The following BAZ1B variants were observed in gnomAD, a reference collection of about 807,000 sequenced individuals.
The protein encoded by BAZ1B is tyrosine-protein kinase BAZ1B.
BAZ1B carries 22 observed loss-of-function variants against 153.8 expected under a neutral mutation model. The ratio of observed to expected loss-of-function variants is 0.14; its 90% confidence interval spans 0.10 to 0.20. The LOEUF (loss-of-function observed/expected upper bound fraction) is 0.20. BAZ1B is among the 10% of genes least tolerant of loss of function. The pLI is 1.00. For missense variants in BAZ1B, 1,325 were observed against 1,799.3 expected (o/e 0.74, Z 4.77); for synonymous variants, 676 against 633.4 (o/e 1.07, Z -1.01).
At chr7:73,515,531 CTTTTTTTT>C (rs869065388) in intron 1 of BAZ1B, among the ~76,000 whole-genome samples, 5 of 111,422 alleles carry the variant, frequency 4.5e-5, no homozygotes, top group South Asian at 2.9e-4. Context: ...AGCCTTGTTC[CTTTTTTTT>C]TTTTTTTTTT....
chr7:73,496,483 G>A (rs1789900961), intron 4 of BAZ1B, among the ~76,000 whole-genome samples: 2 of 152,214 alleles, frequency 1.3e-5, no homozygotes, highest in African/African-American at 4.8e-5. Flanking sequence ...GTTTGTACCA[G>A]TTAAATAGTA....
intron 6 of BAZ1B, among the ~76,000 whole-genome samples, chr7:73,481,710 A>G (rs1554573709): frequency 6.6e-6 from 1 of 151,810 alleles, no homozygotes; most frequent in South Asian, 2.1e-4. Context: ...ACTGCAGGTT[A>G]TTGTTCCTCT....
chr7:73,512,026 C>T (rs1449746682), intron 1 of BAZ1B, among the ~76,000 whole-genome samples: 1 of 82,624 alleles, frequency 1.2e-5, no homozygotes, highest in African/African-American at 5.6e-5. Flanking sequence ...GAAACTCCAC[C>T]TCAAAAAAAA....
At chr7:73,492,714 TCAG>T in intron 5 of BAZ1B, 83 bp downstream of exon 5, 1 of 1,356,058 alleles carries the variant, frequency 7.4e-7, no homozygotes, top group Non-Finnish European at 1.0e-6. Context: ...ACATTTTTCT[TCAG>T]CACATTTTCT....
chr7:73,465,632 G>C (rs1396962470), intron 10 of BAZ1B, 95 bp from the exon 11 acceptor site: 1 of 711,252 alleles, frequency 1.4e-6, no homozygotes, highest in Admixed American at 2.7e-5. Context: ...GGTGGGACTT[G>C]GGAGAACAGA....
chr7:73,456,468 C>A (rs558580848), intron 13 of BAZ1B, among the ~76,000 whole-genome samples: 8 of 152,116 alleles, frequency 5.3e-5, no homozygotes, highest in Admixed American at 3.9e-4. Context: ...ACAAAAAATC[C>A]AATTGAAAAA....
At chr7:73,509,169 A>G (rs1248560300) in intron 2 of BAZ1B, among the ~76,000 whole-genome samples, 1 of 151,808 alleles carries the variant, frequency 6.6e-6, no homozygotes, top group Non-Finnish European at 1.5e-5. Context: ...TCAAAATACA[A>G]GAATTAGCCG....
At chr7:73,517,054 G>A (rs956744815) in intron 1 of BAZ1B, among the ~76,000 whole-genome samples, 2 of 151,552 alleles carry the variant, frequency 1.3e-5, no homozygotes, top group Non-Finnish European at 2.9e-5. Flanking sequence ...GTGGTGGTGG[G>A]TGCCTGTAAT....
chr7:73,493,402 G>A (rs1169041671), intron 4 of BAZ1B, among the ~76,000 whole-genome samples: 1 of 152,152 alleles, frequency 6.6e-6, no homozygotes, highest in Non-Finnish European at 1.5e-5. Flanking sequence ...AGAGGTTGCA[G>A]TGAGCCAAGA....
intron 9 of BAZ1B, among the ~76,000 whole-genome samples, chr7:73,467,540 TTG>T (rs1408386824): frequency 6.6e-6 from 1 of 152,052 alleles, no homozygotes; most frequent in Non-Finnish European, 1.5e-5. Flanking sequence ...CGGCTAATTT[TTG>T]TGTTTTTTGT....
intron 13 of BAZ1B, among the ~76,000 whole-genome samples, chr7:73,459,097 A>C (rs1208944245): frequency 6.6e-6 from 1 of 151,770 alleles, no homozygotes; most frequent in Admixed American, 6.6e-5. Flanking sequence ...AAAATACAAA[A>C]ATTAGCTGGG....
intron 6 of BAZ1B, among the ~76,000 whole-genome samples, chr7:73,485,222 A>G (rs1198695657): frequency 6.6e-6 from 1 of 152,104 alleles, no homozygotes; most frequent in Non-Finnish European, 1.5e-5. Context: ...GGTGTGAGCT[A>G]GCAAATATCA....
In BAZ1B at chr7:73,480,019, A is replaced by C. The variant is rs540506723; in HGVS notation, c.892-1450T>G. 6.6e-5 allele frequency among the ~76,000 whole-genome samples: 10 copies of C among 152,154 alleles called. No individual in the cohort carries two copies. The South Asian group carries it at 1.9e-3, about 28-fold the overall frequency. ...CCAGTCTCTACTAAAAATCAAAAAA[A>C]TTAGCCAGGCATGGTGGCGGGTGCC... On this transcript the variant is annotated intron_variant, in intron 6 of 19. Coordinates refer to ENST00000339594, the MANE Select transcript of BAZ1B (RefSeq NM_032408.4).
At chr7:73,447,218 C>G (rs1444995041) in intron 16 of BAZ1B, 46 bp downstream of exon 16, 2 of 1,612,278 alleles carry the variant, frequency 1.2e-6, no homozygotes, top group African/African-American at 2.7e-5. Context: ...GCGTTCCAAG[C>G]TTAGAAGACT....
In BAZ1B at chr7:73,448,161, G is replaced by A. The variant is rs1787905525; in HGVS notation, c.3729-782C>T. Among the ~76,000 whole-genome samples, 3 of 152,170 alleles carry A rather than the reference G, an allele frequency of 2.0e-5. No individual in the cohort carries two copies. In the East Asian group the frequency reaches 5.8e-4, roughly 29 times the overall value. Reference sequence around the variant, plus strand: ...CTCTACTAAAAATACAAAATGAGCTGGGTGTGGTGGCGCATGCTTGTAGTC... The same window carrying A: ...CTCTACTAAAAATACAAAATGAGCTAGGTGTGGTGGCGCATGCTTGTAGTC... On this transcript the variant is annotated intron_variant, in intron 15 of 19. Coordinates refer to ENST00000339594, the MANE Select transcript of BAZ1B (RefSeq NM_032408.4).
chr7:73,462,980 G>A lies in BAZ1B; in HGVS notation c.3191C>T (p.Thr1064Ile). Reference protein sequence around the residue: ...FLRSDLIEVATRLQKGGLGYV... With the variant: ...FLRSDLIEVAIRLQKGGLGYV... ...TCCAAGTCCTCCTTTTTGTAACCTT[G>A]TTGCAACTTCAATGAGATCACTACG... Residue 1064 changes from threonine to isoleucine, a missense_variant, in exon 12 of 20, where the codon ACA becomes ATA. By Grantham distance (89) the Thr-to-Ile change is moderately conservative (BLOSUM62 -1). This residue lies in a region of BAZ1B where 431 missense variants were observed against 563.5 expected (regional missense o/e 0.76). Transcript: ENST00000339594. The A allele has an allele frequency of 6.2e-7, 1 of 1,613,890 alleles. No homozygotes were observed. The highest frequency in any genetic ancestry group is 1.1e-5 in the South Asian group (1 of 91,066).
intron 6 of BAZ1B, among the ~76,000 whole-genome samples, chr7:73,481,777 C>T (rs1320876559): frequency 1.3e-5 from 2 of 152,110 alleles, no homozygotes; most frequent in Non-Finnish European, 2.9e-5. Flanking sequence ...GTGGCTCACG[C>T]CTGTAATCCC....
At chr7:73,456,525 T>C (rs575074017) in intron 13 of BAZ1B, among the ~76,000 whole-genome samples, 46 of 152,174 alleles carry the variant, frequency 3.0e-4, no homozygotes, top group African/African-American at 1.0e-3. Flanking sequence ...GGTAGACAAA[T>C]GGACAATAAG....
chr7:73,498,774 A>C (rs1323499995), intron 3 of BAZ1B, 76 bp from the exon 4 acceptor site: 12 of 1,249,210 alleles, frequency 9.6e-6, no homozygotes, highest in Middle Eastern at 2.3e-4. Context: ...CATATCATCC[A>C]ATATACATGC....
Sources: allele counts gnomAD v4.1 joint callset (sites outside exome capture counted in the v4.1 genomes callset), GRCh38; gene constraint gnomAD v4.1.1; regional missense constraint gnomAD v4.1.1; transcripts MANE v1.5; gene names NCBI Gene and HGNC (gene_info 2026-07-23, HGNC 2026-07-21).